The following AGBL4 variants were observed in gnomAD, a reference collection of about 807,000 sequenced individuals.
AGBL4 encodes cytosolic carboxypeptidase 6.
In AGBL4, 58 loss-of-function variants were observed where a neutral mutation model predicts 66.4. The ratio of observed to expected loss-of-function variants is 0.87; its 90% CI spans 0.71 to 1.09. AGBL4 has a LOEUF of 1.09. Among genes scored for constraint, AGBL4 ranks in the 50% least tolerant of loss-of-function variants. The pLI, the probability that AGBL4 is intolerant of heterozygous loss-of-function variation, is 0.00. For missense variants in AGBL4, 579 were observed against 631.0 expected (o/e 0.92, Z 0.88); for synonymous variants, 234 against 222.9 (o/e 1.05, Z -0.44).
intron 3 of AGBL4, among the ~76,000 whole-genome samples, chr1:49,353,691 C>G (rs1557863847): frequency 6.6e-6 from 1 of 152,146 alleles, no homozygotes; most frequent in African/African-American, 2.4e-5. Context: ...ACCACACCCC[C>G]TGTCCTGTAC....
chr1:48,701,137 T>C lies in AGBL4; in HGVS notation c.635-37896A>G, dbSNP rs867949016. Among the ~76,000 whole-genome samples, 3 of 152,282 alleles carry C rather than the reference T, an allele frequency of 2.0e-5. 1 individual carries two copies. Among genetic ancestry groups the C allele is most frequent in the Middle Eastern group, 6.8e-3 (2 of 294 alleles). On this transcript the variant is annotated intron_variant, in intron 6 of 13. Transcript: ENST00000371839. ...GCCACACCTGCATCTTTGCTCAAGCTGCCTCCTGCTTGGGATGCTCCTCCT... is the reference window on the plus strand; with the variant it reads ...GCCACACCTGCATCTTTGCTCAAGCCGCCTCCTGCTTGGGATGCTCCTCCT...
intron 1 of AGBL4, among the ~76,000 whole-genome samples, chr1:49,935,659 C>A (rs12411060): frequency 0.025 from 3,782 of 152,252 alleles, 145 homozygotes; most frequent in Admixed American, 0.11. Flanking sequence ...AACTATCAGA[C>A]AGCAGCATTC....
At chr1:48,770,525 T>C (rs1644759460) in intron 6 of AGBL4, among the ~76,000 whole-genome samples, 2 of 152,150 alleles carry the variant, frequency 1.3e-5, no homozygotes, top group Non-Finnish European at 2.9e-5. Context: ...CTTCTCTCAC[T>C]CTGCACTCTC....
chr1:49,530,385 C>T (rs1395049140), intron 3 of AGBL4, among the ~76,000 whole-genome samples: 2 of 151,302 alleles, frequency 1.3e-5, no homozygotes, highest in East Asian at 1.9e-4. Flanking sequence ...TGGTGTGCTG[C>T]ACCCATTAAC....
chr1:48,941,868 G>T (rs1656002155), intron 5 of AGBL4, among the ~76,000 whole-genome samples: 1 of 152,164 alleles, frequency 6.6e-6, no homozygotes, highest in Non-Finnish European at 1.5e-5. Flanking sequence ...TGATTCTAAA[G>T]AACAAGCTGT....
rs1466004011 is a variant in AGBL4, at chr1:49,742,628, A to G, written c.158-45191T>C. Among the ~76,000 whole-genome samples, 3 of 152,316 alleles carry G rather than the reference A, an allele frequency of 2.0e-5. 1 individual carries two copies. Among genetic ancestry groups the G allele is most frequent in the East Asian group, 3.9e-4 (2 of 5,192 alleles). ...AAGCCAAAAGAACAAAGCTGGAAGC[A>G]TCACGCTACCTGACTTCAAACTATA... On this transcript the variant is annotated intron_variant, in intron 2 of 13. Coordinates refer to ENST00000371839, the MANE Select transcript of AGBL4 (RefSeq NM_032785.4).
intron 6 of AGBL4, among the ~76,000 whole-genome samples, chr1:48,832,918 A>G (rs1646589641): frequency 6.6e-6 from 1 of 152,190 alleles, no homozygotes. Flanking sequence ...ATAAGAATTT[A>G]CACCATCAGT....
chr1:49,878,546 C>G (rs1259129212), intron 1 of AGBL4, among the ~76,000 whole-genome samples: 1 of 152,036 alleles, frequency 6.6e-6, no homozygotes, highest in African/African-American at 2.4e-5. Flanking sequence ...AATTTCTGTT[C>G]TTTTACATTT....
chr1:49,170,836 C>T (rs891333142), intron 4 of AGBL4, among the ~76,000 whole-genome samples: 12 of 152,088 alleles, frequency 7.9e-5, no homozygotes, highest in East Asian at 3.9e-4. Context: ...ACAGTAACAG[C>T]GCCATTTATT....
intron 3 of AGBL4, among the ~76,000 whole-genome samples, chr1:49,355,116 T>G (rs1643992641): frequency 6.6e-6 from 1 of 152,184 alleles, no homozygotes; most frequent in Non-Finnish European, 1.5e-5. Flanking sequence ...ACAGTGGCCC[T>G]AGCCAGGAAT....
chr1:48,691,169 A>AC (rs938094564), intron 6 of AGBL4, among the ~76,000 whole-genome samples: 8 of 149,878 alleles, frequency 5.3e-5, no homozygotes, highest in East Asian at 1.9e-4. Context: ...AAAAAAAAAA[A>AC]AAAAAACACA....
At chr1:49,586,416 G>A (rs1644647982) in intron 3 of AGBL4, among the ~76,000 whole-genome samples, 1 of 152,154 alleles carries the variant, frequency 6.6e-6, no homozygotes, top group South Asian at 2.1e-4. Flanking sequence ...TTATTAATAT[G>A]AAAAGTGGTA....
chr1:49,281,714 T>C (rs1388130662), intron 3 of AGBL4, among the ~76,000 whole-genome samples: 1 of 152,184 alleles, frequency 6.6e-6, no homozygotes, highest in Non-Finnish European at 1.5e-5. Context: ...GTCATCACAA[T>C]GGCCAATAAT....
chr1:49,354,397 T>G (rs1409012484), intron 3 of AGBL4, among the ~76,000 whole-genome samples: 1 of 152,252 alleles, frequency 6.6e-6, no homozygotes, highest in Non-Finnish European at 1.5e-5. Flanking sequence ...GTCATTATAC[T>G]CTCCAGCTTC....
chr1:50,009,237 T>A (rs1243965074), intron 1 of AGBL4, among the ~76,000 whole-genome samples: 3 of 152,136 alleles, frequency 2.0e-5, no homozygotes, highest in Admixed American at 2.0e-4. Context: ...TATCCCTGAT[T>A]AACAGAAATT....
chr1:49,735,296 G>GGTGTGTGTGT (rs34172664), intron 2 of AGBL4, among the ~76,000 whole-genome samples: 15 of 127,390 alleles, frequency 1.2e-4, no homozygotes, highest in African/African-American at 3.9e-4. Flanking sequence ...GAGGTGTGTG[G>GGTGTGTGTGT]GTGTGTGTGT....
chr1:48,839,828 T>G (rs956083373), intron 6 of AGBL4, among the ~76,000 whole-genome samples: 1 of 152,162 alleles, frequency 6.6e-6, no homozygotes, highest in African/African-American at 2.4e-5. Context: ...GTCAGCCCAG[T>G]GTGTGGTGGA....
chr1:49,261,619 T>C (rs2148363121), intron 3 of AGBL4, among the ~76,000 whole-genome samples: 1 of 152,136 alleles, frequency 6.6e-6, no homozygotes, highest in East Asian at 1.9e-4. Flanking sequence ...GAAGGACCTC[T>C]TCAAGGAGAA....
intron 5 of AGBL4, among the ~76,000 whole-genome samples, chr1:48,995,051 A>G (rs941897429): frequency 3.3e-5 from 5 of 152,334 alleles, no homozygotes; most frequent in Admixed American, 3.3e-4. Flanking sequence ...CTGTCTATTT[A>G]AAGCTAAATT....
Sources: allele counts gnomAD v4.1 joint callset (sites outside exome capture counted in the v4.1 genomes callset), GRCh38; gene constraint gnomAD v4.1.1; transcripts MANE v1.5; gene names NCBI Gene and HGNC (gene_info 2026-07-23, HGNC 2026-07-21).